Variants in ZNF540 observed in about 807,000 individuals in gnomAD.
ZNF540 encodes CTD-3064H18.6.
Under a neutral mutation model 11.8 loss-of-function variants are expected in ZNF540, and 3 were observed. The ratio of observed to expected loss-of-function variants is 0.25; its 90% CI spans 0.12 to 0.65. ZNF540 has a LOEUF of 0.65. Among genes scored for constraint, ZNF540 ranks in the 30% least tolerant of loss-of-function variants. ZNF540 has a pLI of 0.83. For missense variants in ZNF540, 709 were observed against 793.1 expected (o/e 0.89, Z 1.27); for synonymous variants, 247 against 259.0 (o/e 0.95, Z 0.45).
At chr19:37,553,300 T>C (rs531624659) in intron 1 of ZNF540, among the ~76,000 whole-genome samples, 2 of 151,196 alleles carry the variant, frequency 1.3e-5, no homozygotes, top group East Asian at 2.0e-4. Context: ...GCCTGCCTAA[T>C]TTTTGTATTT....
In ZNF540 at chr19:37,555,975, C is replaced by T. The variant is rs763934963; in HGVS notation, c.-73+4310C>T. 28 of 701,172 alleles carry T rather than the reference C, an allele frequency of 4.0e-5. 1 individual carries two copies. The highest frequency in any genetic ancestry group is 1.0e-4 in the South Asian group (7 of 67,502). The allele number at this position is 701,172 out of a possible 1,614,324, so 43.4% of individuals were successfully genotyped here. ...AGGGCAGAAAAACTGGTAAGTATCT[C>T]GACAGCTAGTGTCAGGGTGATTCCC... On this transcript the variant is annotated intron_variant, in intron 1 of 4. Coordinates refer to the ZNF540 transcript ENST00000592533.
chr19:37,608,318 G>A (rs1266999450), intron 4 of ZNF540, among the ~76,000 whole-genome samples: 2 of 152,088 alleles, frequency 1.3e-5, no homozygotes, highest in Non-Finnish European at 2.9e-5. Flanking sequence ...ATTTACTAGT[G>A]AGCACATCAG....
Position 37,611,847 on chromosome 19 carries a change from TA to T in ZNF540, c.570del (p.Glu191AsnfsTer94). 2 of 1,613,980 alleles carry T rather than the reference TA, an allele frequency of 1.2e-6. No homozygotes were observed. The highest frequency in any genetic ancestry group is 1.7e-5 in the Admixed American group (1 of 60,022). ...KIDSDVKHDC[K>X]ECGSTFNNVY... ...TAGATTCTGATGTGAAACATGATTG[TA>T]AAGAATGTGGGAGTACTTTTAATAA... On this transcript the variant is annotated frameshift_variant, in exon 5 of 5. Coordinates refer to ENST00000316433, the MANE Select transcript of ZNF540 (RefSeq NM_001172225.3). LOFTEE classifies it low-confidence loss of function (END_TRUNC).
chr19:37,596,272 G>T (rs1361831535), intron 1 of ZNF540, among the ~76,000 whole-genome samples: 3 of 152,044 alleles, frequency 2.0e-5, no homozygotes, highest in Non-Finnish European at 4.4e-5. Flanking sequence ...TCATTTTATT[G>T]TGCATCATTT....
upstream of ZNF540, among the ~76,000 whole-genome samples, chr19:37,591,518 A>C (rs1341469921): frequency 6.6e-6 from 1 of 152,200 alleles, no homozygotes; most frequent in African/African-American, 2.4e-5. Context: ...AAAGAATCAA[A>C]TCAATTACTC....
At chr19:37,555,804 A>C in intron 1 of ZNF540, 1 of 663,292 alleles carries the variant, frequency 1.5e-6, no homozygotes. Flanking sequence ...CCATAATACT[A>C]CTGAGTTGAA....
rs779803902 is a variant in ZNF540 at position 37,599,589 on chromosome 19, G to A, written c.10-37G>A. The A allele has an allele frequency of 4.3e-6, 7 of 1,612,910 alleles. No individual in the cohort carries two copies. In the South Asian group the frequency reaches 6.6e-5, roughly 15 times the overall value. ...TTCTTCTTTTTAAAATACTTGTTCTGTAATTTCACCAGTAATATGTTGGTT... is the reference window on the plus strand; with the variant it reads ...TTCTTCTTTTTAAAATACTTGTTCTATAATTTCACCAGTAATATGTTGGTT... On this transcript the variant is annotated intron_variant, in intron 2 of 4. Transcript: ENST00000316433.
intron 4 of ZNF540, among the ~76,000 whole-genome samples, chr19:37,606,835 T>A (rs181084436): frequency 6.6e-6 from 1 of 152,316 alleles, no homozygotes; most frequent in African/African-American, 2.4e-5. Flanking sequence ...CAGATTGCGG[T>A]ACATGGCATG....
chr19:37,611,324 G>A, intron 4 of ZNF540, 189 bp from the exon 5 acceptor site: 1 of 460,506 alleles, frequency 2.2e-6, no homozygotes, highest in East Asian at 3.9e-5. Flanking sequence ...ACCGCGCCCG[G>A]CTATAATCTC....
rs1446954477 is a variant in ZNF540 at position 37,601,011 on chromosome 19, A to G, written c.138A>G (p.Gly46=). The G allele has an allele frequency of 1.3e-6, 2 of 1,572,784 alleles. No individual in the cohort carries two copies. Among genetic ancestry groups the G allele is most frequent in the Non-Finnish European group, 1.7e-6 (2 of 1,158,884 alleles). Residue 46 remains glycine (G), a splice_region_variant and synonymous_variant, in exon 4 of 5, where the codon GGA becomes GGG. Transcript: ENST00000316433. ...LENYNNLVSL[G]YSGSKPDVIT... Reference sequence around the variant, plus strand: ...CTTTTATTTCTTTCTTGTAAGCAGGATATTCTGGCTCAAAGCCAGATGTGA... The same window carrying G: ...CTTTTATTTCTTTCTTGTAAGCAGGGTATTCTGGCTCAAAGCCAGATGTGA...
At chr19:37,577,387 C>G (rs1405280657) in intron 1 of ZNF540, among the ~76,000 whole-genome samples, 1 of 152,144 alleles carries the variant, frequency 6.6e-6, no homozygotes, top group Non-Finnish European at 1.5e-5. Context: ...CCCAAATCAA[C>G]AGAACCTAAC....
exon 1 of ZNF540, chr19:37,551,513 A>C (rs1188584456): frequency 6.6e-6 from 1 of 152,404 alleles, no homozygotes; most frequent in East Asian, 1.9e-4. Context: ...CGACCCTAGG[A>C]GTCGGGCAGG....
At chr19:37,554,796 C>A (rs529801662) in intron 1 of ZNF540, 2 of 152,278 alleles carry the variant, frequency 1.3e-5, no homozygotes, top group Admixed American at 1.3e-4. Flanking sequence ...AATTAAGAGT[C>A]CATTTATTAG....
intron 4 of ZNF540, among the ~76,000 whole-genome samples, chr19:37,605,845 T>A (rs2044081445): frequency 6.6e-6 from 1 of 152,216 alleles, no homozygotes; most frequent in Non-Finnish European, 1.5e-5. Flanking sequence ...ATATTTTCAT[T>A]TATTTGTCAT....
intron 4 of ZNF540, among the ~76,000 whole-genome samples, chr19:37,610,771 T>A (rs1318473179): frequency 6.6e-6 from 1 of 152,184 alleles, no homozygotes; most frequent in Non-Finnish European, 1.5e-5. Flanking sequence ...TGGATTTTAT[T>A]CTAAGAGTAA....
At chr19:37,556,108 T>A in intron 1 of ZNF540, 1 of 702,794 alleles carries the variant, frequency 1.4e-6, no homozygotes, top group Non-Finnish European at 2.6e-6. Context: ...AGGTTGACAC[T>A]TCCTGCTTTT....
intron 4 of ZNF540, among the ~76,000 whole-genome samples, chr19:37,606,471 A>G (rs1430398954): frequency 6.6e-6 from 1 of 152,220 alleles, no homozygotes; most frequent in East Asian, 1.9e-4. Flanking sequence ...TATGACGAAT[A>G]TAACTTTCAC....
intron 1 of ZNF540, among the ~76,000 whole-genome samples, chr19:37,582,401 T>A (rs1340304012): frequency 6.6e-6 from 1 of 152,232 alleles, no homozygotes; most frequent in Non-Finnish European, 1.5e-5. Context: ...TCTTCCTAGG[T>A]CACAGGTTAC....
rs768137622 is a variant in ZNF540 at position 37,613,049 on chromosome 19, G to A, written c.1769G>A (p.Arg590His). The change falls in exon 5 of 5, where the codon CGT becomes CAT. Residue 590 changes from arginine (R) to histidine (H), a missense_variant. Arg to His is a conservative substitution (Grantham distance 29). Coordinates refer to ENST00000316433, the MANE Select transcript of ZNF540 (RefSeq NM_001172225.3). ...AAAGAATGTGGGAAGGCCTTTAGTC[G>A]TAGTGTAGACCTTAGAATACATCAA... The part of the protein sequence containing the change: ...KCKECGKAFS[R>H]SVDLRIHQRI... 56 of 1,613,884 alleles carry A rather than the reference G, an allele frequency of 3.5e-5. No homozygotes were observed. The Admixed American group carries it at 4.0e-4, about 12-fold the overall frequency.
Sources: allele counts gnomAD v4.1 joint callset (sites outside exome capture counted in the v4.1 genomes callset), GRCh38; gene constraint gnomAD v4.1.1; transcripts MANE v1.5; gene names NCBI Gene and HGNC (gene_info 2026-07-23, HGNC 2026-07-21).